CUL5: variants seen among roughly 807,000 people sequenced by gnomAD.
CUL5 encodes the protein cullin 5.
Under a neutral mutation model 108.8 loss-of-function variants are expected in CUL5, and 26 were observed. The observed-to-expected ratio is 0.24, with a 90% confidence interval of 0.18 to 0.33. CUL5 has a LOEUF of 0.33. CUL5 is among the 10% of genes least tolerant of loss of function. CUL5 has a pLI of 1.00. For missense variants in CUL5, 524 were observed against 909.2 expected (o/e 0.58, Z 5.45); for synonymous variants, 334 against 298.0 (o/e 1.12, Z -1.25).
intron 1 of CUL5, 70 bp downstream of exon 1, chr11:108,009,442 C>G (rs761668821): frequency 1.2e-5 from 19 of 1,547,250 alleles, no homozygotes; most frequent in African/African-American, 4.1e-5. Context: ...AAAGGCACGG[C>G]TCAGGTTCAG....
chr11:108,010,954 A>G (rs1862044204), intron 1 of CUL5, among the ~76,000 whole-genome samples: 2 of 152,194 alleles, frequency 1.3e-5, no homozygotes, highest in African/African-American at 4.8e-5. Flanking sequence ...GTTAGAGGTT[A>G]TAGTTAACTA....
chr11:108,032,463 A>G (rs1028400912), intron 1 of CUL5, among the ~76,000 whole-genome samples: 3 of 152,062 alleles, frequency 2.0e-5, no homozygotes, highest in African/African-American at 7.2e-5. Context: ...AGCTATGATC[A>G]CTCCACTGCC....
At chr11:108,078,993 A>G (rs1229920568) in intron 11 of CUL5, among the ~76,000 whole-genome samples, 1 of 152,172 alleles carries the variant, frequency 6.6e-6, no homozygotes. Flanking sequence ...TCTCTTTTAT[A>G]AACTGTGAAA....
chr11:108,054,640 T>C lies in CUL5; in HGVS notation c.554-7T>C, dbSNP rs914032445. The C allele has an allele frequency of 5.8e-6, 9 of 1,539,962 alleles. No individual in the cohort carries two copies. Among genetic ancestry groups the C allele is most frequent in the Non-Finnish European group, 7.1e-6 (8 of 1,128,074 alleles). On this transcript the variant is annotated splice_region_variant and splice_polypyrimidine_tract_variant and intron_variant, in intron 5 of 18. Transcript: ENST00000393094. The stretch of plus-strand genomic sequence containing the variant: ...ATTGGAGTAATACTTTATTTTCTGT[T>C]TTTCAGTTAACCTTTGTTCTAATCC...
chr11:108,079,136 C>T (rs1192078608), intron 11 of CUL5, among the ~76,000 whole-genome samples: 1 of 152,162 alleles, frequency 6.6e-6, no homozygotes, highest in East Asian at 1.9e-4. Flanking sequence ...CAGGGTCTCA[C>T]TCTGTCACCC....
intron 5 of CUL5, among the ~76,000 whole-genome samples, chr11:108,054,111 G>T (rs1050700423): frequency 6.6e-6 from 1 of 152,152 alleles, no homozygotes; most frequent in Non-Finnish European, 1.5e-5. Flanking sequence ...CTCCCGCAGT[G>T]CTGGGATTAC....
intron 7 of CUL5, among the ~76,000 whole-genome samples, chr11:108,061,547 T>C (rs554639770): frequency 1.3e-5 from 2 of 152,364 alleles, no homozygotes; most frequent in South Asian, 4.1e-4. Flanking sequence ...ATACCCAGTC[T>C]TCCAGATTCA....
In CUL5 at chr11:108,106,099, T is replaced by G. The variant is rs1404803348; in HGVS notation, c.*1715T>G. 3.3e-5 allele frequency: 5 copies of G among 152,246 alleles called. No individual in the cohort carries two copies. The East Asian group carries it at 9.6e-4, about 29-fold the overall frequency. The allele number at this position is 152,246 out of a possible 1,614,324, so 9.4% of individuals were successfully genotyped here. A position where few individuals can be genotyped will look rare whatever the true frequency, so the allele number is the denominator to read the frequency against. ...CCGAGCATATTGTGAAGAATTAAACTAAAATTAATACGTACAGTTTTCTCT... is the reference window on the plus strand; with the variant it reads ...CCGAGCATATTGTGAAGAATTAAACGAAAATTAATACGTACAGTTTTCTCT... On this transcript the variant is annotated 3_prime_UTR_variant, in exon 19 of 19. Coordinates refer to ENST00000393094, the MANE Select transcript of CUL5 (RefSeq NM_003478.6).
chr11:108,098,601 A>G lies in CUL5; in HGVS notation c.2148+72A>G, dbSNP rs1190923023. 2.7e-5 allele frequency: 34 copies of G among 1,268,204 alleles called. 1 individual carries two copies. Among genetic ancestry groups the G allele is most frequent in the Admixed American group, 2.3e-4 (7 of 30,720 alleles). The allele number at this position is 1,268,204 out of a possible 1,614,324, so 78.6% of individuals were successfully genotyped here. A position where few individuals can be genotyped will look rare whatever the true frequency, so the allele number is the denominator to read the frequency against. On this transcript the variant is annotated intron_variant, in intron 18 of 18. Transcript: ENST00000393094. ...TTTTTTTTTTTTTTTTAAATTTTGAAATCTTTTTTGAATTTAAAAGCATGT... is the reference window on the plus strand; with the variant it reads ...TTTTTTTTTTTTTTTTAAATTTTGAGATCTTTTTTGAATTTAAAAGCATGT...
chr11:108,101,499 C>T (rs1250388685), intron 18 of CUL5, among the ~76,000 whole-genome samples: 1 of 152,196 alleles, frequency 6.6e-6, no homozygotes, highest in African/African-American at 2.4e-5. Flanking sequence ...CTCTTGAAGC[C>T]TCTGAGACTC....
intron 7 of CUL5, among the ~76,000 whole-genome samples, chr11:108,068,004 C>T (rs111587264): frequency 0.11 from 17,099 of 152,050 alleles, 969 homozygotes; most frequent in South Asian, 0.13. Flanking sequence ...TCTCGGCTCA[C>T]TGCAATCTCT....
At chr11:108,038,376 G>A (rs140101768) in intron 2 of CUL5, among the ~76,000 whole-genome samples, 3 of 152,134 alleles carry the variant, frequency 2.0e-5, no homozygotes, top group African/African-American at 4.8e-5. Context: ...ACAGTTAGTG[G>A]CCTCAACATG....
intron 11 of CUL5, among the ~76,000 whole-genome samples, chr11:108,085,875 T>C (rs1864209855): frequency 6.6e-6 from 1 of 152,204 alleles, no homozygotes; most frequent in East Asian, 1.9e-4. Context: ...AATTTTATTA[T>C]GGTGATGATT....
At chr11:108,077,859 G>T (rs1004403532) in intron 10 of CUL5, among the ~76,000 whole-genome samples, 1 of 152,130 alleles carries the variant, frequency 6.6e-6, no homozygotes, top group African/African-American at 2.4e-5. Flanking sequence ...TAAGACAGGA[G>T]AATCACTTGA....
intron 12 of CUL5, 79 bp from the exon 13 acceptor site, chr11:108,089,413 T>C (rs898541423): frequency 2.8e-6 from 3 of 1,054,428 alleles, no homozygotes; most frequent in East Asian, 5.5e-5. Flanking sequence ...CTTGTGACAA[T>C]TGGTGGATAT....
chr11:108,042,433 G>A (rs1862950109), intron 2 of CUL5, among the ~76,000 whole-genome samples: 4 of 151,946 alleles, frequency 2.6e-5, no homozygotes, highest in African/African-American at 9.7e-5. Context: ...TGTTGTCTAG[G>A]CTGGTCCTGA....
intron 18 of CUL5, among the ~76,000 whole-genome samples, chr11:108,101,252 A>G (rs1196013412): frequency 1.3e-5 from 2 of 152,118 alleles, no homozygotes; most frequent in Non-Finnish European, 2.9e-5. Context: ...TGAGTGTGAG[A>G]GGGATTTGCT....
chr11:108,046,948 C>T (rs995168242), intron 3 of CUL5, among the ~76,000 whole-genome samples: 4 of 152,192 alleles, frequency 2.6e-5, no homozygotes, highest in East Asian at 1.9e-4. Flanking sequence ...AAATCAGCCA[C>T]GGCCTCTCTT....
At chr11:108,021,289 T>C (rs1307534507) in intron 1 of CUL5, among the ~76,000 whole-genome samples, 1 of 152,156 alleles carries the variant, frequency 6.6e-6, no homozygotes, top group Non-Finnish European at 1.5e-5. Context: ...ACTGGTTGTG[T>C]GGTGTTCAAA....
Sources: allele counts gnomAD v4.1 joint callset (sites outside exome capture counted in the v4.1 genomes callset), GRCh38; gene constraint gnomAD v4.1.1; transcripts MANE v1.5; gene names NCBI Gene and HGNC (gene_info 2026-07-23, HGNC 2026-07-21).